ZNF831: variants seen among roughly 807,000 people sequenced by gnomAD.
ZNF831 encodes zinc finger protein 831.
A neutral mutation model predicts 95.8 loss-of-function variants in ZNF831; 59 were observed. That is an observed-to-expected ratio of 0.62 (90% CI 0.50 to 0.77). The LOEUF (loss-of-function observed/expected upper bound fraction) is 0.77. Among genes scored for constraint, ZNF831 ranks in the 30% least tolerant of loss-of-function variants. The probability of loss-of-function intolerance (pLI) is 0.00; values close to 1 mark genes in which losing one functional copy is unlikely to be tolerated. For missense variants in ZNF831, 2,205 were observed against 2,164.0 expected, an observed-to-expected ratio of 1.02 and a Z score of -0.38; for synonymous variants, 961 against 925.5, an observed-to-expected ratio of 1.04 and a Z score of -0.70.
rs116458628 is a variant in ZNF831 at position 59,130,463 on chromosome 20, C to T, written c.-1425+6958C>T. 9.1e-3 allele frequency among the ~76,000 whole-genome samples: 1,392 copies of T among 152,310 alleles called. 14 individuals are homozygous for T. Among genetic ancestry groups the T allele is most frequent in the African/African-American group, 0.032 (1,313 of 41,550 alleles). On this transcript the variant is annotated intron_variant, in intron 1 of 7. Coordinates refer to the ZNF831 transcript ENST00000637017. ...AACAGACACCTGATGGTTCTCTCTT[C>T]ACCCTACACATTGCTGGGGCGAGGC...
intron 1 of ZNF831, among the ~76,000 whole-genome samples, chr20:59,177,512 C>T (rs1982264706): frequency 6.6e-6 from 1 of 152,156 alleles, no homozygotes; most frequent in South Asian, 2.1e-4. Flanking sequence ...TGGCTCATTC[C>T]ACCACTAGGT....
At chr20:59,189,035 G>A in intron 1 of ZNF831, among the ~76,000 whole-genome samples, 1 of 151,790 alleles carries the variant, frequency 6.6e-6, no homozygotes, top group Non-Finnish European at 1.5e-5. Flanking sequence ...ACAAAAATTA[G>A]CTGGGCATGG....
chr20:59,148,373 T>C (rs1979996351), intron 2 of ZNF831, among the ~76,000 whole-genome samples: 1 of 152,098 alleles, frequency 6.6e-6, no homozygotes, highest in African/African-American at 2.4e-5. Context: ...ACATTTCTGA[T>C]GTTCTGAAGA....
rs1179943201 is a variant in ZNF831 at position 59,193,336 on chromosome 20, G to A, written c.2317G>A (p.Val773Ile). The change falls in exon 2 of 6, where the codon GTA (valine) becomes ATA (isoleucine). Residue 773 changes from valine (V) to isoleucine (I), a missense_variant. Coordinates refer to ENST00000371030, the MANE Select transcript of ZNF831 (RefSeq NM_178457.3). The stretch of plus-strand genomic sequence containing the variant: ...ACCTGGCCCCCTCAAAGGGGGTGAT[G>A]TAGAGGCTCCCAGGCCAGTTTGGCC... ...PAPGPLKGGD[V>I]EAPRPVWPDP... 2 of 1,613,068 alleles carry A rather than the reference G, an allele frequency of 1.2e-6. No individual in the cohort carries two copies.
chr20:59,203,638 A>G (rs1298154828), intron 3 of ZNF831, among the ~76,000 whole-genome samples: 1 of 152,190 alleles, frequency 6.6e-6, no homozygotes, highest in Non-Finnish European at 1.5e-5. Flanking sequence ...GCCCACTTAC[A>G]TGTTAAATTT....
rs1988084944 is a variant in ZNF831 at position 59,254,565 on chromosome 20, G to T, written c.4856G>T (p.Gly1619Val). Residue 1619 changes from glycine to valine, a missense_variant, in exon 6 of 6, where the codon GGA becomes GTA. Physicochemically the swap from Gly to Val is moderately radical, Grantham distance 109 (BLOSUM62 -3). Transcript: ENST00000371030. The surrounding 1 kb of genome is among the most constrained non-coding windows in gnomAD (Gnocchi z 4.5). ...GSDGRKRQVS[G>V]LITRKDSVVP... ...GACGGTAGGAAACGTCAGGTATCTGGATTAATCACTCGGAAAGATTCTGTG... is the reference window on the plus strand; with the variant it reads ...GACGGTAGGAAACGTCAGGTATCTGTATTAATCACTCGGAAAGATTCTGTG... 1 of 1,613,938 alleles carries T rather than the reference G, an allele frequency of 6.2e-7. No homozygotes were observed. Among genetic ancestry groups the T allele is most frequent in the South Asian group, 1.1e-5 (1 of 91,086 alleles).
At chr20:59,199,108 T>G (rs1984344122) in intron 3 of ZNF831, among the ~76,000 whole-genome samples, 1 of 137,494 alleles carries the variant, frequency 7.3e-6, no homozygotes, top group Non-Finnish European at 1.6e-5. Flanking sequence ...TCTATCTATC[T>G]ATCTATCTAT....
chr20:59,252,585 A>G (rs967344591), intron 4 of ZNF831, among the ~76,000 whole-genome samples: 1 of 152,172 alleles, frequency 6.6e-6, no homozygotes, highest in African/African-American at 2.4e-5. Context: ...CTGGGTTCCC[A>G]CCATGCATCG....
At chr20:59,234,729 T>C (rs1471002252) in intron 4 of ZNF831, among the ~76,000 whole-genome samples, 1 of 152,228 alleles carries the variant, frequency 6.6e-6, no homozygotes, top group Non-Finnish European at 1.5e-5. Flanking sequence ...TCATGATCCT[T>C]TGAAGAGCAC....
intron 1 of ZNF831, among the ~76,000 whole-genome samples, chr20:59,132,289 C>CTTTTTTTTTTTTTTTTTTTCT (rs11477187): frequency 8.6e-6 from 1 of 116,562 alleles, no homozygotes; most frequent in South Asian, 2.9e-4. Flanking sequence ...AGGTTTAACT[C>CTTTTTTTTTTTTTTTTTTTCT]TTTTTTTTTT....
chr20:59,258,762 C>G lies in ZNF831; in HGVS notation c.*4019C>G, dbSNP rs1189358849. 1 of 152,200 alleles carries G rather than the reference C, an allele frequency of 6.6e-6. No homozygotes were observed. Among genetic ancestry groups the G allele is most frequent in the African/African-American group, 2.4e-5 (1 of 41,448 alleles). 9.4% of individuals were successfully genotyped at this position (152,200 alleles called of 1,614,324 possible). On this transcript the variant is annotated 3_prime_UTR_variant, in exon 6 of 6. Coordinates refer to ENST00000371030, the MANE Select transcript of ZNF831 (RefSeq NM_178457.3). ...TTCAGAACCCATTAAATATAAGGGT[C>G]AGAACCTAGAAAATCTTATGTGCTG...
chr20:59,169,223 A>G lies in ZNF831; in HGVS notation c.-37+5016A>G, dbSNP rs1303873508. On this transcript the variant is annotated intron_variant, in intron 1 of 5. Transcript: ENST00000371030. The surrounding 1 kb of genome is among the most constrained non-coding windows in gnomAD (Gnocchi z 4.1). Reference sequence around the variant, plus strand: ...TGCAAATTCAATCTGATAAATAGTTATAGTGTGATTCTCATGTGATTCAAA... The same window carrying G: ...TGCAAATTCAATCTGATAAATAGTTGTAGTGTGATTCTCATGTGATTCAAA... Among the ~76,000 whole-genome samples, 1 of 152,218 alleles carries G rather than the reference A, an allele frequency of 6.6e-6. No individual in the cohort carries two copies. The highest frequency in any genetic ancestry group is 1.5e-5 in the Non-Finnish European group (1 of 68,040).
intron 4 of ZNF831, among the ~76,000 whole-genome samples, chr20:59,234,483 A>T (rs185675431): frequency 1.3e-3 from 192 of 152,352 alleles, no homozygotes; most frequent in African/African-American, 4.4e-3. Flanking sequence ...AGTGGCTTGA[A>T]ATGAGAGAAC....
At chr20:59,126,910 G>A (rs542344439) in intron 1 of ZNF831, among the ~76,000 whole-genome samples, 151 of 152,274 alleles carry the variant, frequency 9.9e-4, no homozygotes, top group African/African-American at 3.4e-3. Context: ...TCTCTCCTGG[G>A]TAAGTGGTGG....
intron 1 of ZNF831, among the ~76,000 whole-genome samples, chr20:59,124,784 T>C (rs1979116373): frequency 6.6e-6 from 1 of 152,202 alleles, no homozygotes; most frequent in African/African-American, 2.4e-5. Context: ...AAATGGCTCT[T>C]ATCGCAGTGG....
chr20:59,189,191 TAAAA>T (rs1396798779), intron 1 of ZNF831, among the ~76,000 whole-genome samples: 1 of 151,046 alleles, frequency 6.6e-6, no homozygotes, highest in Non-Finnish European at 1.5e-5. Flanking sequence ...AAAAAAAAAA[TAAAA>T]AAATAAAAAA....
At chr20:59,167,546 T>C (rs1162785271) in intron 1 of ZNF831, among the ~76,000 whole-genome samples, 1 of 152,180 alleles carries the variant, frequency 6.6e-6, no homozygotes, top group Non-Finnish European at 1.5e-5. Context: ...AAAGATTTTC[T>C]CCTGTGCTTT....
intron 1 of ZNF831, among the ~76,000 whole-genome samples, chr20:59,137,825 A>G (rs1428222883): frequency 6.6e-6 from 1 of 152,184 alleles, no homozygotes; most frequent in East Asian, 1.9e-4. Context: ...ACCCTGTGTC[A>G]CATCCTAAGC....
chr20:59,166,974 C>A (rs938949415), intron 1 of ZNF831, among the ~76,000 whole-genome samples: 1 of 152,074 alleles, frequency 6.6e-6, no homozygotes, highest in African/African-American at 2.4e-5. Context: ...AATAATAGTC[C>A]CATGTTTGAT....
Sources: allele counts gnomAD v4.1 joint callset (sites outside exome capture counted in the v4.1 genomes callset), GRCh38; gene constraint gnomAD v4.1.1; non-coding constraint Gnocchi (gnomAD v3.1); transcripts MANE v1.5; gene names NCBI Gene and HGNC (gene_info 2026-07-23, HGNC 2026-07-21).